PDE4D: variants seen among roughly 807,000 people sequenced by gnomAD.
PDE4D encodes the protein phosphodiesterase 4D, also known as 3',5'-cyclic-AMP phosphodiesterase 4D.
In PDE4D, 24 loss-of-function variants were observed where a neutral mutation model predicts 87.4. That is an observed-to-expected ratio of 0.27 (90% CI 0.20 to 0.39). PDE4D has a LOEUF of 0.39. PDE4D is among the 10% of genes least tolerant of loss of function. The probability of loss-of-function intolerance (pLI) is 1.00; values close to 1 mark genes in which losing one functional copy is unlikely to be tolerated. For synonymous variants in PDE4D, 384 were observed against 383.2 expected (o/e 1.00, Z -0.02); for missense variants, 714 against 1,041.0 (o/e 0.69, Z 4.32).
At chr5:59,612,237 T>TTTTTTGTTTG (rs113105324) in intron 1 of PDE4D, among the ~76,000 whole-genome samples, 29 of 150,512 alleles carry the variant, frequency 1.9e-4, no homozygotes, top group South Asian at 1.1e-3. Context: ...ACACTGTTTT[T>TTTTTTGTTTG]TTTGTTTGTT....
intron 1 of PDE4D, among the ~76,000 whole-genome samples, chr5:59,376,745 G>T (rs1784797502): frequency 6.6e-6 from 1 of 152,084 alleles, no homozygotes; most frequent in South Asian, 2.1e-4. Context: ...TCAGCAAAAA[G>T]AACAAAGCTA....
At chr5:59,087,331 T>A (rs1767890265) in intron 5 of PDE4D, among the ~76,000 whole-genome samples, 7 of 151,854 alleles carry the variant, frequency 4.6e-5, no homozygotes, top group Admixed American at 4.6e-4. Context: ...CAAAAATTTT[T>A]AAAAATTAGC....
intron 1 of PDE4D, among the ~76,000 whole-genome samples, chr5:59,483,141 T>C (rs1038880079): frequency 6.6e-6 from 1 of 152,178 alleles, no homozygotes; most frequent in Admixed American, 6.5e-5. Context: ...ATTTGCTCCT[T>C]TTGGGTATCA....
At chr5:60,180,163 G>A (rs1784262853) in intron 2 of PDE4D, among the ~76,000 whole-genome samples, 1 of 152,106 alleles carries the variant, frequency 6.6e-6, no homozygotes, top group South Asian at 2.1e-4. Flanking sequence ...GATTGGCTTT[G>A]GCCACTAAAA....
At chr5:59,565,720 G>A (rs1433424391) in intron 1 of PDE4D, among the ~76,000 whole-genome samples, 5 of 152,186 alleles carry the variant, frequency 3.3e-5, no homozygotes, top group Admixed American at 6.6e-5. Context: ...GGAAGTCCCT[G>A]GACAGATGCT....
rs932816364 is a variant in PDE4D at position 60,038,224 on chromosome 5, T to C, written c.43-49507A>G. Among the ~76,000 whole-genome samples the C allele has an allele frequency of 7.9e-5, 12 of 152,274 alleles. No homozygotes were observed. The South Asian group carries it at 1.5e-3, about 18-fold the overall frequency. ...CATGCCTATGTCCTGAATGGTAATG[T>C]CTAGGTTTTCTTCTAGGGTTTTTAC... On this transcript the variant is annotated intron_variant, in intron 2 of 16. Transcript: ENST00000502484.
intron 1 of PDE4D, among the ~76,000 whole-genome samples, chr5:59,371,193 GAA>G (rs1283087328): frequency 1.3e-5 from 2 of 152,198 alleles, no homozygotes; most frequent in Non-Finnish European, 2.9e-5. Context: ...GTTAGGAAAA[GAA>G]AGGAAAGAAA....
chr5:60,178,613 C>A (rs1784132347), intron 2 of PDE4D, among the ~76,000 whole-genome samples: 1 of 151,988 alleles, frequency 6.6e-6, no homozygotes, highest in Admixed American at 6.6e-5. Flanking sequence ...TATATAATGA[C>A]CTCTTCTAGA....
intron 1 of PDE4D, among the ~76,000 whole-genome samples, chr5:60,345,868 A>G (rs937022724): frequency 1.3e-5 from 2 of 152,136 alleles, no homozygotes; most frequent in Admixed American, 6.6e-5. Flanking sequence ...AAATGCCTGA[A>G]ACATATTATC....
chr5:60,092,050 C>CAA lies in PDE4D; in HGVS notation c.42+93505_42+93506dup, dbSNP rs66814905. Among the ~76,000 whole-genome samples, 205 of 55,978 alleles carry CAA rather than the reference C, an allele frequency of 3.7e-3. 22 individuals are homozygous for CAA. The highest frequency in any genetic ancestry group is 0.014 in the African/African-American group (173 of 12,588). 36.7% of individuals were successfully genotyped at this position (55,978 alleles called of 152,430 possible). On this transcript the variant is annotated intron_variant, in intron 2 of 16. Coordinates refer to the PDE4D transcript ENST00000502484. ...TGGGCGACAGAGCGAAACTCCGTCT[C>CAA]AAAAAAAAAAAAAAAAAAAAAAAAA...
chr5:59,137,634 C>G lies in PDE4D; in HGVS notation c.808+42961G>C, dbSNP rs1220836357. On this transcript the variant is annotated intron_variant, in intron 5 of 14. Transcript: ENST00000340635. ...CTCCGCCTCCCGGGTTCACGCCATT[C>G]TCCTGCCTCAGCCTCCCTAGTAGCT... 3.3e-5 allele frequency among the ~76,000 whole-genome samples: 5 copies of G among 151,620 alleles called. No homozygotes were observed. The East Asian group carries it at 9.8e-4, about 30-fold the overall frequency.
At chr5:59,574,029 AAAATATATATTTATATATATTTATATAT>A (rs1822389387) in intron 1 of PDE4D, among the ~76,000 whole-genome samples, 1 of 102,162 alleles carries the variant, frequency 9.8e-6, no homozygotes, top group Admixed American at 1.0e-4. Context: ...TATATATATA[AAAATATATATTTATATATATTTATATAT>A]AAAAATATAT....
intron 5 of PDE4D, chr5:59,039,509 C>G: frequency 8.1e-6 from 8 of 985,766 alleles, no homozygotes; most frequent in Non-Finnish European, 9.6e-6. Context: ...TGCGCGGCCA[C>G]CACGTTTCCT....
chr5:60,107,054 T>G (rs1417156922), intron 2 of PDE4D, among the ~76,000 whole-genome samples: 5 of 151,904 alleles, frequency 3.3e-5, no homozygotes, highest in Non-Finnish European at 7.4e-5. Flanking sequence ...CCTTCAAAAA[T>G]TAATGAATCC....
chr5:60,480,701 T>G (rs1223700747), intron 1 of PDE4D, among the ~76,000 whole-genome samples: 1 of 152,184 alleles, frequency 6.6e-6, no homozygotes, highest in African/African-American at 2.4e-5. Context: ...ACTTTATACC[T>G]ATATGTGGAC....
At chr5:59,701,678 G>C (rs1393996858) in intron 1 of PDE4D, among the ~76,000 whole-genome samples, 1 of 152,206 alleles carries the variant, frequency 6.6e-6, no homozygotes, top group African/African-American at 2.4e-5. Flanking sequence ...GGAAGGTGAA[G>C]ACTCCAAGAG....
Position 60,048,748 on chromosome 5 carries a change from T to C in PDE4D, c.43-60031A>G, listed in dbSNP as rs532306033. Among the ~76,000 whole-genome samples the C allele has an allele frequency of 3.2e-4, 48 of 152,296 alleles. No individual in the cohort carries two copies. The East Asian group carries it at 6.9e-3, about 22-fold the overall frequency. ...GCTGAGAGATCCGCTGTTAGTCTGA[T>C]GGGCTTCCCTTTGAGGGTAACCCGA... On this transcript the variant is annotated intron_variant, in intron 2 of 16. Transcript: ENST00000502484.
intron 1 of PDE4D, among the ~76,000 whole-genome samples, chr5:60,444,512 A>T (rs935407920): frequency 6.6e-6 from 1 of 152,166 alleles, no homozygotes; most frequent in African/African-American, 2.4e-5. Flanking sequence ...GTGGTTAAAA[A>T]TAAAGGAGAG....
At chr5:59,752,736 G>A (rs1237540891) in intron 1 of PDE4D, among the ~76,000 whole-genome samples, 1 of 152,136 alleles carries the variant, frequency 6.6e-6, no homozygotes, top group African/African-American at 2.4e-5. Flanking sequence ...CCACCACAAA[G>A]CATCATTCTG....
Sources: allele counts gnomAD v4.1 joint callset (sites outside exome capture counted in the v4.1 genomes callset), GRCh38; gene constraint gnomAD v4.1.1; transcripts MANE v1.5; gene names NCBI Gene and HGNC (gene_info 2026-07-23, HGNC 2026-07-21).